The following PRKCZ variants were observed in gnomAD, a reference collection of about 807,000 sequenced individuals.
PRKCZ encodes protein kinase C zeta type.
PRKCZ carries 33 observed loss-of-function variants against 79.5 expected under a neutral mutation model. The observed-to-expected ratio is 0.41, with a 90% CI of 0.31 to 0.55. PRKCZ has a LOEUF of 0.55. PRKCZ is among the 20% of genes least tolerant of loss of function. PRKCZ has a pLI of 0.19. For synonymous variants in PRKCZ, 342 were observed against 320.9 expected (o/e 1.07, Z -0.70); for missense variants, 578 against 813.5 (o/e 0.71, Z 3.52).
intron 5 of PRKCZ, among the ~76,000 whole-genome samples, chr1:2,136,910 G>T (rs1484566939): frequency 6.6e-6 from 1 of 152,170 alleles, no homozygotes; most frequent in African/African-American, 2.4e-5. Flanking sequence ...ATGAGTCAGG[G>T]TTCTCCAGAG....
chr1:2,155,801 G>A (rs879027785), intron 9 of PRKCZ, among the ~76,000 whole-genome samples, 194 bp from the exon 10 acceptor site: 1 of 151,890 alleles, frequency 6.6e-6, no homozygotes, highest in Non-Finnish European at 1.5e-5. Context: ...GATGATGATG[G>A]TGGTGGTGGT....
At chr1:2,115,668 C>T (rs1048131987) in intron 4 of PRKCZ, among the ~76,000 whole-genome samples, 4 of 152,188 alleles carry the variant, frequency 2.6e-5, no homozygotes, top group African/African-American at 9.7e-5. Flanking sequence ...TGTCCGTGAC[C>T]CCTTCCTGAG....
At chr1:2,078,822 G>A (rs373632936) in intron 4 of PRKCZ, among the ~76,000 whole-genome samples, 5 of 149,214 alleles carry the variant, frequency 3.4e-5, no homozygotes, top group Admixed American at 6.7e-5. Flanking sequence ...CTTGTCTTTC[G>A]ATCTTTTTTC....
At chr1:2,157,843 G>A (rs539425085) in intron 10 of PRKCZ, among the ~76,000 whole-genome samples, 1 of 152,090 alleles carries the variant, frequency 6.6e-6, no homozygotes, top group Non-Finnish European at 1.5e-5. Flanking sequence ...CTGCCTGGCG[G>A]TCATGCAGAA....
At chr1:2,088,070 G>A (rs894376541) in intron 4 of PRKCZ, among the ~76,000 whole-genome samples, 1 of 152,224 alleles carries the variant, frequency 6.6e-6, no homozygotes, top group Non-Finnish European at 1.5e-5. Context: ...CTGCTGTGTG[G>A]GTGGGGGCCT....
At chr1:2,107,865 G>C (rs2102670939) in intron 4 of PRKCZ, among the ~76,000 whole-genome samples, 2 of 151,390 alleles carry the variant, frequency 1.3e-5, no homozygotes, top group South Asian at 4.2e-4. Flanking sequence ...TGTCGAGGGA[G>C]CCCCCAACAC....
At chr1:2,092,763 G>C (rs1020537208) in intron 4 of PRKCZ, among the ~76,000 whole-genome samples, 2 of 152,228 alleles carry the variant, frequency 1.3e-5, no homozygotes, top group Non-Finnish European at 2.9e-5. Flanking sequence ...TGGAGGCCCT[G>C]GTCTTCACTG....
chr1:2,126,479 GGACCCTGCCCCGCC>G (rs572278838), intron 4 of PRKCZ, among the ~76,000 whole-genome samples: 46 of 152,180 alleles, frequency 3.0e-4, no homozygotes, highest in Admixed American at 5.2e-4. Flanking sequence ...CTTGGGCTGG[GGACCCTGCCCCGCC>G]GACCCTGCCA....
At chr1:2,048,829 G>A (rs1315522294), upstream of PRKCZ, among the ~76,000 whole-genome samples, 4 of 152,332 alleles carry the variant, frequency 2.6e-5, no homozygotes, top group South Asian at 4.1e-4. Flanking sequence ...CCAGGGATGT[G>A]TGAGCCTTCC....
rs138728239 is a variant in PRKCZ, at chr1:2,137,222, G to A, written c.420+1875G>A. Reference sequence around the variant, plus strand: ...GAGTGGCAGGAAGCATCCAGCATGGGAGAAAGATGAAAGCCAGAAGACCCA... The same window carrying A: ...GAGTGGCAGGAAGCATCCAGCATGGAAGAAAGATGAAAGCCAGAAGACCCA... On this transcript the variant is annotated intron_variant, in intron 5 of 17. Transcript: ENST00000378567. 9.7e-3 allele frequency among the ~76,000 whole-genome samples: 1,471 copies of A among 152,270 alleles called. 38 individuals carry two copies. Among genetic ancestry groups the A allele is most frequent in the African/African-American group, 0.033 (1,392 of 41,554 alleles).
intron 4 of PRKCZ, among the ~76,000 whole-genome samples, chr1:2,079,216 C>G (rs1036318756): frequency 6.6e-6 from 1 of 152,194 alleles, no homozygotes; most frequent in African/African-American, 2.4e-5. Flanking sequence ...TGGGGTTATT[C>G]GTCCCGGCTG....
chr1:2,149,000 C>T (rs368226531), intron 8 of PRKCZ, 76 bp downstream of exon 8: 117 of 1,484,596 alleles, frequency 7.9e-5, no homozygotes, highest in Non-Finnish European at 8.7e-5. Flanking sequence ...GGGGTAGTCA[C>T]GGAAATCTAG....
Position 2,132,354 on chromosome 1 carries a change from A to G in PRKCZ, c.335-2908A>G, listed in dbSNP as rs3107158. ...CATCTTGAATGCTCCCGAGCCCAGG[A>G]GCGAGCGTTTCTGAGCTTTGACGGA... On this transcript the variant is annotated intron_variant, in intron 4 of 17. Coordinates refer to ENST00000378567, the MANE Select transcript of PRKCZ (RefSeq NM_002744.6). Among the ~76,000 whole-genome samples the G allele has an allele frequency of 4.4e-3, 676 of 152,336 alleles. 7 individuals carry two copies. The highest frequency in any genetic ancestry group is 0.015 in the African/African-American group (644 of 41,578).
At chr1:2,049,044 T>TA (rs1448805815), upstream of PRKCZ, among the ~76,000 whole-genome samples, 2 of 152,094 alleles carry the variant, frequency 1.3e-5, no homozygotes, top group Non-Finnish European at 2.9e-5. Context: ...TGGACACCTG[T>TA]AATCCCAGCT....
chr1:2,132,619 T>G (rs1675222113), intron 4 of PRKCZ, among the ~76,000 whole-genome samples: 2 of 152,384 alleles, frequency 1.3e-5, no homozygotes, highest in Middle Eastern at 6.8e-3. Flanking sequence ...AGACGCCTGC[T>G]CTGGGCTTCT....
chr1:2,088,847 T>G (rs1303431821), intron 4 of PRKCZ, among the ~76,000 whole-genome samples: 1 of 152,242 alleles, frequency 6.6e-6, no homozygotes, highest in African/African-American at 2.4e-5. Context: ...GCAACACATG[T>G]TCACTACAGA....
Position 2,082,299 on chromosome 1 carries a change from G to A in PRKCZ, c.334+22708G>A, listed in dbSNP as rs1001321160. 1.2e-4 allele frequency: 53 copies of A among 445,104 alleles called. No individual in the cohort carries two copies. The highest frequency in any genetic ancestry group is 2.3e-4 in the Non-Finnish European group (52 of 221,360). The allele number at this position is 445,104 out of a possible 1,614,324, so 27.6% of individuals were successfully genotyped here. On this transcript the variant is annotated intron_variant, in intron 4 of 17. Transcript: ENST00000378567. The surrounding 1 kb of genome is among the most constrained non-coding windows in gnomAD (Gnocchi z 4.4). ...ACGATCACACGTGCAGGAGCTGGGGGCTGCCAGAGCGGCTGTTCAAGATGG... is the reference window on the plus strand; with the variant it reads ...ACGATCACACGTGCAGGAGCTGGGGACTGCCAGAGCGGCTGTTCAAGATGG...
chr1:2,088,936 G>C (rs1665004379), intron 4 of PRKCZ, among the ~76,000 whole-genome samples: 1 of 152,042 alleles, frequency 6.6e-6, no homozygotes, highest in African/African-American at 2.4e-5. Context: ...TGTCACTTTT[G>C]TTTTATTTTG....
At chr1:2,184,225 G>A (rs1572072260) in intron 16 of PRKCZ, 1 of 276,182 alleles carries the variant, frequency 3.6e-6, no homozygotes, top group East Asian at 1.0e-4. Flanking sequence ...TTTATGGTCA[G>A]GGTTCCAAGA....
Sources: gnomAD v4.1 joint callset for allele counts (sites outside exome capture counted in the v4.1 genomes callset) on GRCh38, gnomAD v4.1.1 for gene constraint, Gnocchi (gnomAD v3.1) non-coding constraint, MANE v1.5 for transcripts, NCBI Gene and HGNC (gene_info 2026-07-23, HGNC 2026-07-21) for gene names.